FUT1: variants seen among roughly 807,000 people sequenced by gnomAD.
FUT1 encodes fucosyltransferase 1 (H blood group).
For missense variants in FUT1, 476 were observed against 492.7 expected (o/e 0.97, Z 0.32); for synonymous variants, 215 against 208.7 (o/e 1.03, Z -0.26).
chr19:48,754,397 A>G (rs1350220665), upstream of FUT1, among the ~76,000 whole-genome samples: 3 of 152,088 alleles, frequency 2.0e-5, no homozygotes, highest in African/African-American at 7.2e-5. Flanking sequence ...CTCCTCCAAG[A>G]AAAGGAGATT....
At chr19:48,751,599 G>A (rs1319260447) in intron 1 of FUT1, among the ~76,000 whole-genome samples, 2 of 152,116 alleles carry the variant, frequency 1.3e-5, no homozygotes, top group Non-Finnish European at 2.9e-5. Context: ...GATCCCTTGA[G>A]CCCAGGAGTT....
Position 48,749,991 on chromosome 19 carries a change from C to T in FUT1, c.*193G>A. ...CCAGCCATCAGGAAAAGATGTTTTGCTAGTTCTAGAATATTCAGACAGTTC... is the reference window on the plus strand; with the variant it reads ...CCAGCCATCAGGAAAAGATGTTTTGTTAGTTCTAGAATATTCAGACAGTTC... On this transcript the variant is annotated 3_prime_UTR_variant, in exon 2 of 2. Coordinates refer to ENST00000645652, the MANE Select transcript of FUT1 (RefSeq NM_001384359.1). 1 of 684,964 alleles carries T rather than the reference C, an allele frequency of 1.5e-6. No homozygotes were observed. The highest frequency in any genetic ancestry group is 2.4e-6 in the Non-Finnish European group (1 of 412,356). The allele number at this position is 684,964 out of a possible 1,614,324, so 42.4% of individuals were successfully genotyped here.
chr19:48,750,623 C>T lies in FUT1; in HGVS notation c.659G>A (p.Arg220His), dbSNP rs1229284545. The T allele has an allele frequency of 1.9e-6, 3 of 1,611,508 alleles. No individual in the cohort carries two copies. The highest frequency in any genetic ancestry group is 2.5e-6 in the Non-Finnish European group (3 of 1,179,914). Residue 220 changes from arginine (R) to histidine (H), a missense_variant, in exon 2 of 2, where the codon CGC becomes CAC. Transcript: ENST00000645652. ...CATAACCTGCAGATAGTCCCCACGGCGCACGTGGACGCCGACAAAGGTGCG... is the reference window on the plus strand; with the variant it reads ...CATAACCTGCAGATAGTCCCCACGGTGCACGTGGACGCCGACAAAGGTGCG... The part of the protein sequence containing the change: ...RPRTFVGVHV[R>H]RGDYLQVMPQ...
upstream of FUT1, among the ~76,000 whole-genome samples, chr19:48,753,925 C>T (rs913413193): frequency 6.6e-6 from 1 of 152,180 alleles, no homozygotes; most frequent in Non-Finnish European, 1.5e-5. Flanking sequence ...TGGCTCACGC[C>T]TGTAATCCCA....
At chr19:48,753,540 G>A (rs1248395964), upstream of FUT1, 1 of 152,414 alleles carries the variant, frequency 6.6e-6, no homozygotes, top group Admixed American at 6.5e-5. Flanking sequence ...GCCCTACGGG[G>A]CTTTGCGGGT....
At chr19:48,754,913 C>A (rs1157331405), upstream of FUT1, among the ~76,000 whole-genome samples, 1 of 152,034 alleles carries the variant, frequency 6.6e-6, no homozygotes, top group Non-Finnish European at 1.5e-5. Flanking sequence ...TCACACCCAG[C>A]AGTCCAGGCC....
At chr19:48,754,128 G>T (rs1453073994), upstream of FUT1, among the ~76,000 whole-genome samples, 2 of 150,872 alleles carry the variant, frequency 1.3e-5, no homozygotes, top group Non-Finnish European at 2.9e-5. Flanking sequence ...GGAGATTGCA[G>T]TGAGCCGAGA....
Position 48,750,879 on chromosome 19 carries a change from C to T in FUT1, c.403G>A (p.Val135Met). The T allele has an allele frequency of 1.9e-6, 3 of 1,613,804 alleles. No individual in the cohort carries two copies. Among genetic ancestry groups the T allele is most frequent in the Non-Finnish European group, 2.5e-6 (3 of 1,179,990 alleles). ...RITLPVLAPEVDSRTPWRELQ... is the reference protein window; with the variant it reads ...RITLPVLAPEMDSRTPWRELQ... ...TCCCGCCACGGCGTGCGGCTGTCCA[C>T]TTCTGGGGCCAGCACGGGCAGGGTG... The change falls in exon 2 of 2, where the codon GTG becomes ATG. Residue 135 changes from valine to methionine, a missense_variant. Val to Met is a conservative substitution (Grantham distance 21, BLOSUM62 1). Transcript: ENST00000645652.
At position 48,749,977 on chromosome 19, in the gene FUT1, G is replaced by A; in HGVS notation, c.*207C>T. The A allele has an allele frequency of 3.1e-6, 2 of 648,486 alleles. No homozygotes were observed. The highest frequency in any genetic ancestry group is 5.2e-6 in the Non-Finnish European group (2 of 381,798). The allele number at this position is 648,486 out of a possible 1,614,324, so 40.2% of individuals were successfully genotyped here. ...TCTAGAACTGCCTGCCAGCCATCAG[G>A]AAAAGATGTTTTGCTAGTTCTAGAA... On this transcript the variant is annotated 3_prime_UTR_variant, in exon 2 of 2. Transcript: ENST00000645652.
chr19:48,752,677 G>A, upstream of FUT1: 2 of 985,408 alleles, frequency 2.0e-6, no homozygotes, highest in Non-Finnish European at 2.4e-6. This position sits in a 1 kb window ranked among gnomAD's most constrained non-coding sequence, Gnocchi z 4.3. Context: ...GAAGGAGAGG[G>A]CGCGGCCGGG....
At chr19:48,754,135 G>A (rs940558054), upstream of FUT1, among the ~76,000 whole-genome samples, 4 of 148,614 alleles carry the variant, frequency 2.7e-5, no homozygotes, top group African/African-American at 1.0e-4. Context: ...GCAGTGAGCC[G>A]AGATCACGCC....
At position 48,751,106 on chromosome 19, in the gene FUT1, C is replaced by G; in HGVS notation, c.176G>C (p.Gly59Ala). The G allele has an allele frequency of 6.2e-7, 1 of 1,613,118 alleles. No homozygotes were observed. The highest frequency in any genetic ancestry group is 1.3e-5 in the African/African-American group (1 of 75,008). Residue 59 changes from glycine to alanine, a missense_variant, in exon 2 of 2, where the codon GGT (glycine) becomes GCT (alanine). Coordinates refer to ENST00000645652, the MANE Select transcript of FUT1 (RefSeq NM_001384359.1). ...TPPVAIFCLP[G>A]TAMGPNASSS... Reference sequence around the variant, plus strand: ...GGAGGCGTTGGGGCCCATCGCAGTACCCGGCAGGCAGAAGATGGCCACTGG... The same window carrying G: ...GGAGGCGTTGGGGCCCATCGCAGTAGCCGGCAGGCAGAAGATGGCCACTGG...
upstream of FUT1, among the ~76,000 whole-genome samples, chr19:48,754,493 C>A (rs944424578): frequency 2.6e-5 from 4 of 152,174 alleles, no homozygotes; most frequent in African/African-American, 9.7e-5. Context: ...GGCCCTTATG[C>A]CGGTGTGACA....
Position 48,750,554 on chromosome 19 carries a change from CG to C in FUT1, c.727del (p.Arg243GlyfsTer37). 1 of 1,612,444 alleles carries C rather than the reference CG, an allele frequency of 6.2e-7. No homozygotes were observed. The highest frequency in any genetic ancestry group is 1.3e-5 in the African/African-American group (1 of 75,046). On this transcript the variant is annotated frameshift_variant, in exon 2 of 2. Coordinates refer to ENST00000645652, the MANE Select transcript of FUT1 (RefSeq NM_001384359.1). LOFTEE classifies it low-confidence loss of function (END_TRUNC). Reference sequence around the variant, plus strand: ...TGCCCGGAACCAGTCCATGGCCTGCCGGAGGTAGGCGCTGTCGCCCACCACA... The same window carrying C: ...TGCCCGGAACCAGTCCATGGCCTGCCGAGGTAGGCGCTGTCGCCCACCACA... ...KGVVGDSAYL[R>X]QAMDWFRARH...
upstream of FUT1, chr19:48,752,735 G>A (rs2122561924): frequency 1.0e-6 from 1 of 985,320 alleles, no homozygotes; most frequent in Non-Finnish European, 1.2e-6. The surrounding 1 kb of genome is among the most constrained non-coding windows in gnomAD (Gnocchi z 4.3). Flanking sequence ...GCTGGAAGGT[G>A]GAGCCCCGCC....
intron 1 of FUT1, among the ~76,000 whole-genome samples, chr19:48,751,997 G>A (rs2034010786): frequency 6.6e-6 from 1 of 151,550 alleles, no homozygotes; most frequent in African/African-American, 2.4e-5. Context: ...GCACATGTCT[G>A]TGGTCTCAGC....
Position 48,752,033 on chromosome 19 carries a change from TCC to T in FUT1, c.-3+455_-3+456del, listed in dbSNP as rs2122559842. On this transcript the variant is annotated intron_variant, in intron 1 of 1. Transcript: ENST00000645652. The surrounding 1 kb of genome is among the most constrained non-coding windows in gnomAD (Gnocchi z 4.3). The stretch of plus-strand genomic sequence containing the variant: ...TACACCGGATGCTAAGGCGGGAGGA[TCC>T]CCGGAGCTCACAATGAGCCGCGATA... Among the ~76,000 whole-genome samples the T allele has an allele frequency of 7.0e-6, 1 of 142,428 alleles. No individual in the cohort carries two copies. Among genetic ancestry groups the T allele is most frequent in the African/African-American group, 2.7e-5 (1 of 37,712 alleles). 93.4% of individuals were successfully genotyped at this position (142,428 alleles called of 152,430 possible).
At chr19:48,751,881 G>A (rs966293680) in intron 1 of FUT1, among the ~76,000 whole-genome samples, 2 of 152,006 alleles carry the variant, frequency 1.3e-5, no homozygotes, top group Non-Finnish European at 2.9e-5. Flanking sequence ...AACCCGGGGG[G>A]CGGGAGTTGC....
chr19:48,751,394 G>C, intron 1 of FUT1, 111 bp from the exon 2 acceptor site: 1 of 1,147,500 alleles, frequency 8.7e-7, no homozygotes, highest in Non-Finnish European at 1.3e-6. Context: ...TTAGTCCCAG[G>C]GAAAGAGGAA....
Sources: gnomAD v4.1 joint callset for allele counts (sites outside exome capture counted in the v4.1 genomes callset) on GRCh38, gnomAD v4.1.1 for gene constraint, Gnocchi (gnomAD v3.1) non-coding constraint, MANE v1.5 for transcripts, NCBI Gene and HGNC (gene_info 2026-07-23, HGNC 2026-07-21) for gene names.